GAS6: variants seen among roughly 807,000 people sequenced by gnomAD.
The protein encoded by GAS6 is growth arrest specific 6, also known as growth arrest-specific protein 6.
In GAS6, 41 loss-of-function variants were observed where a neutral mutation model predicts 75.8. That is an observed-to-expected ratio of 0.54 (90% CI 0.42 to 0.70). The LOEUF (loss-of-function observed/expected upper bound fraction) is 0.70. GAS6 is among the 30% of genes least tolerant of loss of function. GAS6 has a pLI of 0.00. For missense variants in GAS6, 854 were observed against 940.2 expected (o/e 0.91, Z 1.20); for synonymous variants, 432 against 412.6 (o/e 1.05, Z -0.57).
chr13:113,823,360 T>A lies in GAS6; in HGVS notation c.1653+15A>T, dbSNP rs767552365. On this transcript the variant is annotated intron_variant, in intron 13 of 14. Coordinates refer to ENST00000327773, the MANE Select transcript of GAS6 (RefSeq NM_000820.4). ...GTCGAGCCGGTCAGGACGCCCTGGGTGGCGGAGGCCCTACCTGCTTCTTGA... is the reference window on the plus strand; with the variant it reads ...GTCGAGCCGGTCAGGACGCCCTGGGAGGCGGAGGCCCTACCTGCTTCTTGA... 1.3e-6 allele frequency: 2 copies of A among 1,599,614 alleles called. No individual in the cohort carries two copies. Among genetic ancestry groups the A allele is most frequent in the East Asian group, 4.5e-5 (2 of 44,520 alleles).
chr13:113,821,255 CACAG>C lies in GAS6; in HGVS notation c.1883-241_1883-238del, dbSNP rs1594185228. 13 of 576,908 alleles carry C rather than the reference CACAG, an allele frequency of 2.3e-5. No homozygotes were observed. The East Asian group carries it at 3.7e-4, about 17-fold the overall frequency. 35.7% of individuals were successfully genotyped at this position (576,908 alleles called of 1,614,324 possible). A position where few individuals can be genotyped will look rare whatever the true frequency, so the allele number is the denominator to read the frequency against. On this transcript the variant is annotated intron_variant, in intron 14 of 14. Transcript: ENST00000327773. Reference sequence around the variant, plus strand: ...CCAGCCCTCCCTTCCCCGCTGGGAGCACAGACAGTCCCATCGGTTAAACGTGATC... The same window carrying C: ...CCAGCCCTCCCTTCCCCGCTGGGAGCACAGTCCCATCGGTTAAACGTGATC...
At chr13:113,832,170 G>A (rs902721822) in intron 10 of GAS6, 129 bp downstream of exon 10, 12 of 1,096,370 alleles carry the variant, frequency 1.1e-5, no homozygotes, top group Admixed American at 2.3e-5. Flanking sequence ...AGGGGTCCCC[G>A]TCCTGCCGGC....
intron 2 of GAS6, among the ~76,000 whole-genome samples, chr13:113,851,290 AGT>A (rs1275776366): frequency 6.9e-6 from 1 of 144,504 alleles, no homozygotes; most frequent in Admixed American, 6.9e-5. Flanking sequence ...TGAATGAGTG[AGT>A]GGGTGGATGA....
chr13:113,828,243 A>C (rs369646601), intron 11 of GAS6, among the ~76,000 whole-genome samples: 1 of 151,952 alleles, frequency 6.6e-6, no homozygotes, highest in Non-Finnish European at 1.5e-5. Flanking sequence ...CAGCCTGGGC[A>C]ACAGAGCAAG....
In GAS6 at chr13:113,820,912, G is replaced by A. The variant is rs144441512; in HGVS notation, c.1989C>T (p.Ser663=). Residue 663 remains serine (S), a synonymous_variant, in exon 15 of 15, where the codon AGC becomes AGT. Transcript: ENST00000327773. ...GGGGGCAGGAGTGGGCCGTGATGTC[G>A]CTGTGCTTGTACGCCGCCTCGTCCA... ...LDLDEAAYKH[S]DITAHSCPPV... 37 of 1,612,186 alleles carry A rather than the reference G, an allele frequency of 2.3e-5. No individual in the cohort carries two copies. In the Admixed American group the frequency reaches 3.7e-4, roughly 16 times the overall value.
In GAS6 at chr13:113,854,205, T is replaced by C. The variant is rs570944642; in HGVS notation, c.256-6155A>G. Among the ~76,000 whole-genome samples, 3 of 152,334 alleles carry C rather than the reference T, an allele frequency of 2.0e-5. No individual in the cohort carries two copies. In the East Asian group the frequency reaches 5.8e-4, roughly 29 times the overall value. ...TGACTGCCCGGTCAGATGTGGATGC[T>C]GGGAAAGGCCTCTGTAGCTGACTGC... On this transcript the variant is annotated intron_variant, in intron 2 of 14. Coordinates refer to ENST00000327773, the MANE Select transcript of GAS6 (RefSeq NM_000820.4).
At chr13:113,833,899 A>G (rs1460395640) in intron 8 of GAS6, among the ~76,000 whole-genome samples, 1 of 146,634 alleles carries the variant, frequency 6.8e-6, no homozygotes, top group Non-Finnish European at 1.5e-5. Context: ...TGTGACAGGC[A>G]GTGGTGTGAC....
intron 12 of GAS6, among the ~76,000 whole-genome samples, chr13:113,824,489 C>A (rs905918367): frequency 6.6e-6 from 1 of 152,102 alleles, no homozygotes; most frequent in Non-Finnish European, 1.5e-5. Flanking sequence ...ATCCTCTCCA[C>A]GCTGAGCCCT....
chr13:113,831,790 G>C (rs2051633800), intron 10 of GAS6, among the ~76,000 whole-genome samples: 1 of 125,822 alleles, frequency 7.9e-6, no homozygotes, highest in Non-Finnish European at 1.7e-5. Context: ...AGGGGTCCCC[G>C]TCCCCCGGAG....
chr13:113,824,133 GT>G (rs2051500621), intron 12 of GAS6, among the ~76,000 whole-genome samples: 1 of 141,622 alleles, frequency 7.1e-6, no homozygotes, highest in African/African-American at 2.7e-5. Context: ...GAGCACCGTG[GT>G]CTGGGGTCTG....
At position 113,837,996 on chromosome 13, in the gene GAS6, A is replaced by C; in HGVS notation, c.589+73T>G. On this transcript the variant is annotated intron_variant, in intron 6 of 14. Coordinates refer to ENST00000327773, the MANE Select transcript of GAS6 (RefSeq NM_000820.4). This position sits in a 1 kb window ranked among gnomAD's most constrained non-coding sequence, Gnocchi z 5.1. ...AACCCAGCCAGCAGCAGCCGCTTGC[A>C]GAAGAGCAGACATGACCGAAAATAG... The C allele has an allele frequency of 6.4e-7, 1 of 1,571,648 alleles. No homozygotes were observed. Among genetic ancestry groups the C allele is most frequent in the Non-Finnish European group, 8.6e-7 (1 of 1,157,058 alleles).
rs755534660 is a variant in GAS6 at position 113,838,054 on chromosome 13, AC to A, written c.589+14del. The A allele has an allele frequency of 1.9e-6, 3 of 1,611,336 alleles. No individual in the cohort carries two copies. The highest frequency in any genetic ancestry group is 1.7e-6 in the Non-Finnish European group (2 of 1,179,566). On this transcript the variant is annotated intron_variant, in intron 6 of 14. Transcript: ENST00000327773. ...GGAGAGGAGAGAGGAGAGAGGCCTC[AC>A]CCCAGGGCCTTACCTTGGCAGGTCC...
Position 113,846,438 on chromosome 13 carries a change from C to T in GAS6, c.343+89G>A. On this transcript the variant is annotated intron_variant, in intron 4 of 14. Coordinates refer to ENST00000327773, the MANE Select transcript of GAS6 (RefSeq NM_000820.4). ...GACCACAGCTCCTTAAAAAACAGAA[C>T]TATTCAGGGCCCTCCACAAACCACA... 14 of 1,088,846 alleles carry T rather than the reference C, an allele frequency of 1.3e-5. 1 individual carries two copies. The South Asian group carries it at 1.7e-4, about 14-fold the overall frequency. The allele number at this position is 1,088,846 out of a possible 1,614,324, so 67.4% of individuals were successfully genotyped here.
chr13:113,820,895 G>T lies in GAS6; in HGVS notation c.2006C>A (p.Ser669Tyr), dbSNP rs1216799901. The change falls in exon 15 of 15, where the codon TCC becomes TAC. Residue 669 changes from serine (S) to tyrosine (Y), a missense_variant. Ser to Tyr is a moderately radical substitution (Grantham distance 144, BLOSUM62 -2). Coordinates refer to ENST00000327773, the MANE Select transcript of GAS6 (RefSeq NM_000820.4). ...AYKHSDITAH[S>Y]CPPVEPAAA ...TGCGGCGGGCTCCACGGGGGGGCAG[G>T]AGTGGGCCGTGATGTCGCTGTGCTT... The T allele has an allele frequency of 6.2e-7, 1 of 1,611,658 alleles. No homozygotes were observed. Among genetic ancestry groups the T allele is most frequent in the South Asian group, 1.1e-5 (1 of 91,046 alleles).
intron 4 of GAS6, chr13:113,842,944 C>T (rs2051801508): frequency 2.5e-6 from 1 of 396,744 alleles, no homozygotes; most frequent in Non-Finnish European, 4.4e-6. Flanking sequence ...GGTCCCCAGA[C>T]TCATGCCACC....
At chr13:113,823,250 TG>T in intron 13 of GAS6, 124 bp downstream of exon 13, 3 of 1,122,812 alleles carry the variant, frequency 2.7e-6, no homozygotes, top group Non-Finnish European at 3.7e-6. Flanking sequence ...ATCAGACCTC[TG>T]GTCAGAGGCT....
intron 2 of GAS6, among the ~76,000 whole-genome samples, chr13:113,858,483 CT>C (rs1211634644): frequency 6.9e-6 from 1 of 145,966 alleles, no homozygotes; most frequent in Non-Finnish European, 1.5e-5. Flanking sequence ...GTCTGTGTGC[CT>C]ATGTATGCAT....
In GAS6 at chr13:113,848,029, A is replaced by G. The variant is rs1302250015; in HGVS notation, c.277T>C (p.Leu93=). ...TAGAGAAGTAATTGAGACTTACCTA[A>G]GTATCTTGGGTAAAAATAATCCTGT... is the stretch of plus-strand genomic sequence containing the variant. ...PETDYFYPRY[L]DCINKYGSPY... is the part of the protein sequence containing the mutation. The change falls in exon 3 of 15, where the codon TTA becomes CTA. Residue 93 remains leucine (L), a synonymous_variant. Coordinates refer to ENST00000327773, the MANE Select transcript of GAS6 (RefSeq NM_000820.4). This position sits in a 1 kb window ranked among gnomAD's most constrained non-coding sequence, Gnocchi z 4.8. 1.2e-6 allele frequency: 2 copies of G among 1,613,148 alleles called. No individual in the cohort carries two copies. Among genetic ancestry groups the G allele is most frequent in the Admixed American group, 1.7e-5 (1 of 59,808 alleles).
intron 4 of GAS6, 107 bp from the exon 5 acceptor site, chr13:113,839,957 A>G: frequency 1.3e-6 from 2 of 1,545,282 alleles, no homozygotes; most frequent in Non-Finnish European, 1.8e-6. Context: ...AGCCCGGAGG[A>G]GCTCTGAGGG....
Sources: gnomAD v4.1 joint callset for allele counts (sites outside exome capture counted in the v4.1 genomes callset) on GRCh38, gnomAD v4.1.1 for gene constraint, Gnocchi (gnomAD v3.1) non-coding constraint, MANE v1.5 for transcripts, NCBI Gene and HGNC (gene_info 2026-07-23, HGNC 2026-07-21) for gene names.